Variants in NKAIN3 observed in about 807,000 individuals in gnomAD.
NKAIN3 encodes the protein sodium/potassium transporting ATPase interacting 3.
Under a neutral mutation model 30.2 loss-of-function variants are expected in NKAIN3, and 25 were observed. The ratio of observed to expected loss-of-function variants is 0.83; its 90% CI spans 0.60 to 1.16. The LOEUF (loss-of-function observed/expected upper bound fraction) is 1.16, where lower values mean the gene tolerates loss of function less well. Among genes scored for constraint, NKAIN3 ranks in the 50% most tolerant of loss-of-function variants. The probability of loss-of-function intolerance (pLI) is 0.00; values close to 1 mark genes in which losing one functional copy is unlikely to be tolerated. For synonymous variants in NKAIN3, 91 were observed against 89.6 expected (o/e 1.02, Z -0.09); for missense variants, 225 against 254.1 (o/e 0.89, Z 0.78).
chr8:62,316,764 C>A (rs1342822620), intron 1 of NKAIN3, among the ~76,000 whole-genome samples: 1 of 152,160 alleles, frequency 6.6e-6, no homozygotes. Flanking sequence ...TTTATAGCAG[C>A]ATGATTTATA....
intron 3 of NKAIN3, among the ~76,000 whole-genome samples, chr8:62,613,277 G>C (rs1178792795): frequency 6.6e-6 from 1 of 152,062 alleles, no homozygotes; most frequent in East Asian, 1.9e-4. Context: ...TTTGAAGGAT[G>C]TTTGCACTGG....
At chr8:62,662,033 T>C (rs2130362378) in intron 3 of NKAIN3, among the ~76,000 whole-genome samples, 1 of 152,334 alleles carries the variant, frequency 6.6e-6, no homozygotes, top group East Asian at 1.9e-4. Flanking sequence ...GAGAGGCTTG[T>C]CCATCAGCCC....
At chr8:62,784,765 T>C (rs1177946906) in intron 4 of NKAIN3, among the ~76,000 whole-genome samples, 1 of 152,128 alleles carries the variant, frequency 6.6e-6, no homozygotes, top group Non-Finnish European at 1.5e-5. Context: ...TCTGTTGGGC[T>C]GGTATTACTT....
Position 62,967,896 on chromosome 8 carries a change from C to T in NKAIN3, c.*2489C>T, listed in dbSNP as rs1823746893. Among the ~76,000 whole-genome samples the T allele has an allele frequency of 6.6e-6, 1 of 152,146 alleles. No individual in the cohort carries two copies. The highest frequency in any genetic ancestry group is 2.1e-4 in the South Asian group (1 of 4,824). ...TGAATTTGTACATAGTTCTAGTAGGCACTGCAGAGTCTGAACTTAGTCTAA... is the reference window on the plus strand; with the variant it reads ...TGAATTTGTACATAGTTCTAGTAGGTACTGCAGAGTCTGAACTTAGTCTAA... On this transcript the variant is annotated 3_prime_UTR_variant, in exon 7 of 7. Coordinates refer to ENST00000623646, the MANE Select transcript of NKAIN3 (RefSeq NM_001304533.3).
Position 62,697,890 on chromosome 8 carries a change from A to G in NKAIN3, c.274-49042A>G, listed in dbSNP as rs2130460088. On this transcript the variant is annotated intron_variant, in intron 3 of 6. Coordinates refer to ENST00000623646, the MANE Select transcript of NKAIN3 (RefSeq NM_001304533.3). ...GAAAAATTACTCAAAGATATACTCT[A>G]GCAAATTGAAAGACAACTGAAAATA... 1.3e-5 allele frequency among the ~76,000 whole-genome samples: 2 copies of G among 152,344 alleles called. 1 individual carries two copies. The highest frequency in any genetic ancestry group is 1.3e-4 in the Admixed American group (2 of 15,306).
chr8:62,537,463 C>A (rs187933339), intron 1 of NKAIN3, among the ~76,000 whole-genome samples: 7 of 152,282 alleles, frequency 4.6e-5, no homozygotes, highest in African/African-American at 1.4e-4. Context: ...AAGCATTTTA[C>A]ACTGCTGCAA....
chr8:62,619,006 G>C (rs1351094476), intron 3 of NKAIN3, among the ~76,000 whole-genome samples: 5 of 152,208 alleles, frequency 3.3e-5, no homozygotes, highest in Admixed American at 2.6e-4. Flanking sequence ...CCATGGTGCT[G>C]TTGGGTTAAG....
At chr8:62,903,378 C>T (rs762101983) in intron 4 of NKAIN3, among the ~76,000 whole-genome samples, 1 of 152,102 alleles carries the variant, frequency 6.6e-6, no homozygotes, top group Non-Finnish European at 1.5e-5. Flanking sequence ...TTAGGTATTA[C>T]TGGGAGTCAC....
chr8:62,390,738 T>G (rs1183029625), intron 1 of NKAIN3, among the ~76,000 whole-genome samples: 1 of 152,194 alleles, frequency 6.6e-6, no homozygotes, highest in Non-Finnish European at 1.5e-5. Flanking sequence ...CTATTCTGAC[T>G]GGTGTGAGAT....
chr8:62,808,624 G>A (rs1304099545), intron 4 of NKAIN3, among the ~76,000 whole-genome samples: 7 of 152,118 alleles, frequency 4.6e-5, no homozygotes, highest in Admixed American at 3.9e-4. Context: ...TGCCCCCCAA[G>A]CCACAAAACC....
intron 5 of NKAIN3, among the ~76,000 whole-genome samples, chr8:62,936,701 T>C (rs1258069719): frequency 1.3e-5 from 2 of 152,196 alleles, no homozygotes; most frequent in Non-Finnish European, 2.9e-5. Flanking sequence ...GTTACAATTT[T>C]AAACCATTCC....
intron 4 of NKAIN3, among the ~76,000 whole-genome samples, chr8:62,912,377 AG>A (rs1821946614): frequency 1.3e-5 from 2 of 152,162 alleles, no homozygotes; most frequent in Admixed American, 1.3e-4. Context: ...CTGTACACTT[AG>A]GCTATACTAC....
At chr8:62,497,625 G>A (rs375578927) in intron 1 of NKAIN3, among the ~76,000 whole-genome samples, 7 of 152,034 alleles carry the variant, frequency 4.6e-5, no homozygotes, top group African/African-American at 1.7e-4. Flanking sequence ...CTATGTCAGA[G>A]GAGGCCAATT....
rs374489878 is a variant in NKAIN3, at chr8:62,969,840, C to A, written c.*4433C>A. On this transcript the variant is annotated 3_prime_UTR_variant, in exon 7 of 7. Coordinates refer to ENST00000623646, the MANE Select transcript of NKAIN3 (RefSeq NM_001304533.3). Reference sequence around the variant, plus strand: ...TAGGCCACAACTTAAGGATATTATGCCCAAAAGTGAACTGACAGAGGAAAG... The same window carrying A: ...TAGGCCACAACTTAAGGATATTATGACCAAAAGTGAACTGACAGAGGAAAG... Among the ~76,000 whole-genome samples, 16 of 152,086 alleles carry A rather than the reference C, an allele frequency of 1.1e-4. No homozygotes were observed. Among genetic ancestry groups the A allele is most frequent in the African/African-American group, 3.9e-4 (16 of 41,496 alleles).
At position 62,975,611 on chromosome 8, in the gene NKAIN3, C is replaced by T. The variant is rs1234298858; in HGVS notation, c.*10204C>T. ...GTATTTTGTTAATCTTTTCAAAAAACCATCTCCTGTATTCATTGATTTTTT... is the reference window on the plus strand; with the variant it reads ...GTATTTTGTTAATCTTTTCAAAAAATCATCTCCTGTATTCATTGATTTTTT... On this transcript the variant is annotated 3_prime_UTR_variant, in exon 7 of 7. Transcript: ENST00000623646. Among the ~76,000 whole-genome samples the T allele has an allele frequency of 6.6e-6, 1 of 152,118 alleles. No individual in the cohort carries two copies. Among genetic ancestry groups the T allele is most frequent in the Non-Finnish European group, 1.5e-5 (1 of 68,008 alleles).
chr8:62,838,437 G>A (rs1476168902), intron 4 of NKAIN3, among the ~76,000 whole-genome samples: 2 of 151,924 alleles, frequency 1.3e-5, no homozygotes, highest in African/African-American at 2.4e-5. Flanking sequence ...TGTACATTTG[G>A]TGAAACTTTA....
intron 1 of NKAIN3, among the ~76,000 whole-genome samples, chr8:62,501,458 C>G (rs951344921): frequency 6.6e-6 from 1 of 152,152 alleles, no homozygotes; most frequent in East Asian, 1.9e-4. Flanking sequence ...CTCAATTCCT[C>G]CTGAGTTACA....
chr8:62,308,756 G>A (rs1814335155), intron 1 of NKAIN3, among the ~76,000 whole-genome samples: 1 of 150,420 alleles, frequency 6.6e-6, no homozygotes, highest in Non-Finnish European at 1.5e-5. Context: ...AGAAAGGAAG[G>A]TACCATTAGC....
intron 1 of NKAIN3, among the ~76,000 whole-genome samples, chr8:62,372,166 C>T (rs1563369331): frequency 6.6e-6 from 1 of 151,674 alleles, no homozygotes; most frequent in Non-Finnish European, 1.5e-5. Flanking sequence ...TTTATAAGGA[C>T]TGAAACATGA....
Sources: gnomAD v4.1 joint callset for allele counts (sites outside exome capture counted in the v4.1 genomes callset) on GRCh38, gnomAD v4.1.1 for gene constraint, MANE v1.5 for transcripts, NCBI Gene and HGNC (gene_info 2026-07-23, HGNC 2026-07-21) for gene names.